Variants in UPP2 observed in about 807,000 individuals in gnomAD.
UPP2 encodes uridine phosphorylase 2, also known as UPase 2.
UPP2 carries 23 observed loss-of-function variants against 26.7 expected under a neutral mutation model. The ratio of observed to expected loss-of-function variants is 0.86; its 90% CI spans 0.62 to 1.22. UPP2 has a LOEUF of 1.22. Ranked by LOEUF, UPP2 falls within the 50% of genes most tolerant of loss-of-function variation. UPP2 has a pLI of 0.00. For synonymous variants in UPP2, 127 were observed against 141.3 expected (o/e 0.90, Z 0.72); for missense variants, 387 against 396.7 (o/e 0.98, Z 0.21).
At chr2:158,041,688 T>A (rs1197749135) in intron 3 of UPP2, among the ~76,000 whole-genome samples, 1 of 152,246 alleles carries the variant, frequency 6.6e-6, no homozygotes, top group Non-Finnish European at 1.5e-5. Context: ...TGGAAACTTA[T>A]GATTAAATGA....
chr2:158,121,863 T>C (rs1242600834), intron 5 of UPP2, among the ~76,000 whole-genome samples: 1 of 151,992 alleles, frequency 6.6e-6, no homozygotes, highest in Non-Finnish European at 1.5e-5. Context: ...AAAATGCAAT[T>C]AGTGATGTTC....
At chr2:158,120,021 A>T (rs1228044526) in intron 4 of UPP2, among the ~76,000 whole-genome samples, 2 of 151,480 alleles carry the variant, frequency 1.3e-5, no homozygotes, top group African/African-American at 4.8e-5. Flanking sequence ...AAAAAAAAAA[A>T]ATAAAAATAA....
At chr2:158,131,652 G>T (rs889142325) in intron 6 of UPP2, among the ~76,000 whole-genome samples, 3 of 152,132 alleles carry the variant, frequency 2.0e-5, no homozygotes, top group African/African-American at 7.2e-5. Flanking sequence ...CTAGCCTCAG[G>T]TCAGTTCACT....
At chr2:158,086,200 G>A (rs532604509) in intron 3 of UPP2, among the ~76,000 whole-genome samples, 2 of 151,940 alleles carry the variant, frequency 1.3e-5, no homozygotes, top group Non-Finnish European at 2.9e-5. Flanking sequence ...TCTGTTCAGA[G>A]TTTCTATTTA....
At chr2:158,121,101 T>C (rs1683556266) in intron 4 of UPP2, among the ~76,000 whole-genome samples, 2 of 152,012 alleles carry the variant, frequency 1.3e-5, no homozygotes, top group South Asian at 2.1e-4. Flanking sequence ...CAGGCTTATT[T>C]AGTTTTTTCC....
chr2:158,134,883 G>A lies in UPP2; in HGVS notation c.947G>A (p.Cys316Tyr), dbSNP rs758753988. The change falls in exon 7 of 7, where the codon TGT (cysteine) becomes TAT (tyrosine). Residue 316 changes from cysteine (C) to tyrosine (Y), a missense_variant. Cys to Tyr is a radical substitution (Grantham distance 194). Coordinates refer to ENST00000005756, the MANE Select transcript of UPP2 (RefSeq NM_173355.4). ...TTCATCAGACGGCGGCTTGGACTTT[G>A]TGACTAGACGTCCTAACTGGGCAGC... ...SNFIRRRLGL[C>Y]D 6 of 1,612,798 alleles carry A rather than the reference G, an allele frequency of 3.7e-6. No homozygotes were observed. In the South Asian group the frequency reaches 4.4e-5, roughly 12 times the overall value.
chr2:158,131,902 A>G (rs1558943349), intron 6 of UPP2, among the ~76,000 whole-genome samples: 1 of 152,222 alleles, frequency 6.6e-6, no homozygotes, highest in East Asian at 1.9e-4. Flanking sequence ...GATTGCTATA[A>G]CCTGTTCTTT....
intron 3 of UPP2, among the ~76,000 whole-genome samples, chr2:158,073,945 C>T (rs570486931): frequency 3.3e-5 from 5 of 152,238 alleles, no homozygotes; most frequent in Middle Eastern, 3.4e-3. Context: ...GAGACCAGTG[C>T]GGGAGGGTAG....
chr2:158,090,050 G>A (rs760240271), intron 3 of UPP2, among the ~76,000 whole-genome samples: 3 of 152,006 alleles, frequency 2.0e-5, no homozygotes, highest in Admixed American at 6.6e-5. Context: ...ATTTGATAGC[G>A]TAACTGAGTG....
chr2:158,115,238 C>T lies in UPP2; in HGVS notation c.318C>T (p.Thr106=), dbSNP rs770060750. The T allele has an allele frequency of 5.2e-5, 84 of 1,609,416 alleles. No individual in the cohort carries two copies. The South Asian group carries it at 7.0e-4, about 13-fold the overall frequency. Residue 106 remains threonine (T), a synonymous_variant, in exon 3 of 7, where the codon ACC becomes ACT. Transcript: ENST00000005756. The part of the protein sequence containing the change: ...AGTDRYCMYK[T]GPVLAISHGM... ...CAGACAGATACTGTATGTACAAAAC[C>T]GGGCCTGTGCTCGCCATCAGTGTAA...
At chr2:158,112,743 T>C (rs945000981) in intron 2 of UPP2, among the ~76,000 whole-genome samples, 15 of 152,224 alleles carry the variant, frequency 9.9e-5, no homozygotes, top group African/African-American at 3.6e-4. Context: ...TTATATTCCC[T>C]TGTTAACACA....
chr2:158,118,059 G>A, intron 4 of UPP2, 121 bp downstream of exon 4: 1 of 779,212 alleles, frequency 1.3e-6, no homozygotes, highest in East Asian at 2.5e-5. Flanking sequence ...AGTGTCAGAA[G>A]GCTGGACTTG....
chr2:158,043,519 G>A (rs1195856846), intron 3 of UPP2, among the ~76,000 whole-genome samples: 1 of 152,166 alleles, frequency 6.6e-6, no homozygotes, highest in Non-Finnish European at 1.5e-5. Flanking sequence ...GAGTATGCAT[G>A]GGAGGAAAGA....
intron 1 of UPP2, among the ~76,000 whole-genome samples, chr2:158,103,791 C>A (rs986649864): frequency 5.9e-5 from 9 of 151,766 alleles, no homozygotes; most frequent in African/African-American, 2.2e-4. Context: ...CTAATGAGCT[C>A]CCCAGATGTT....
At chr2:158,123,546 A>T (rs142741796) in intron 5 of UPP2, among the ~76,000 whole-genome samples, 137 of 152,276 alleles carry the variant, frequency 9.0e-4, no homozygotes, top group African/African-American at 3.1e-3. Flanking sequence ...GCTCCTTCCT[A>T]CGTATGAGAC....
intron 6 of UPP2, chr2:158,126,574 A>G (rs1419124397): frequency 1.3e-5 from 2 of 152,122 alleles, no homozygotes; most frequent in Non-Finnish European, 2.9e-5. Flanking sequence ...ATAGGGTGCT[A>G]TCATATTCTC....
intron 3 of UPP2, among the ~76,000 whole-genome samples, chr2:158,047,152 C>T (rs1684167140): frequency 6.6e-6 from 1 of 152,182 alleles, no homozygotes; most frequent in South Asian, 2.1e-4. Context: ...TTCTAAGTTT[C>T]ATTCCACCCA....
chr2:158,037,026 T>C (rs191483490), intron 3 of UPP2, among the ~76,000 whole-genome samples: 1 of 152,292 alleles, frequency 6.6e-6, no homozygotes, highest in African/African-American at 2.4e-5. Context: ...AATCTCAGAT[T>C]CATTCCTATC....
chr2:158,054,328 T>G (rs1218834583), intron 3 of UPP2, among the ~76,000 whole-genome samples: 1 of 150,814 alleles, frequency 6.6e-6, no homozygotes, highest in African/African-American at 2.4e-5. Flanking sequence ...AGCTTATAAA[T>G]AATTGATAAA....
Sources: allele counts gnomAD v4.1 joint callset (sites outside exome capture counted in the v4.1 genomes callset), GRCh38; gene constraint gnomAD v4.1.1; transcripts MANE v1.5; gene names NCBI Gene and HGNC (gene_info 2026-07-23, HGNC 2026-07-21).